Variants in GABRA4 observed in about 807,000 individuals in gnomAD.
GABRA4 encodes the protein gamma-aminobutyric acid type A receptor subunit alpha4.
In GABRA4, 12 loss-of-function variants were observed where a neutral mutation model predicts 49.7. That is an observed-to-expected ratio of 0.24 (90% CI 0.15 to 0.39). GABRA4 has a LOEUF of 0.39. Ranked by LOEUF, GABRA4 falls within the 10% of genes least tolerant of loss-of-function variation. GABRA4 has a pLI of 1.00. For missense variants in GABRA4, 506 were observed against 686.0 expected, an observed-to-expected ratio of 0.74 and a Z score of 2.93; for synonymous variants, 288 against 240.2, an observed-to-expected ratio of 1.20 and a Z score of -1.84.
intron 7 of GABRA4, 138 bp from the exon 8 acceptor site, chr4:46,965,367 T>C (rs1722718055): frequency 4.7e-6 from 3 of 633,066 alleles, no homozygotes; most frequent in Non-Finnish European, 7.4e-6. Flanking sequence ...AAACCATCTT[T>C]GATGGAGAAT....
At chr4:46,981,071 G>T (rs573601512) in intron 2 of GABRA4, among the ~76,000 whole-genome samples, 1 of 152,072 alleles carries the variant, frequency 6.6e-6, no homozygotes, top group Non-Finnish European at 1.5e-5. Context: ...CTGATACGCT[G>T]ATTTAGTACT....
rs1721072135 is a variant in GABRA4, at chr4:46,922,475, C to T, written c.*5750G>A. On this transcript the variant is annotated 3_prime_UTR_variant, in exon 9 of 9. Transcript: ENST00000264318. ...CAAAAATAGGCAAGGGAGATAAAAC[C>T]TCAATGAAAAAGCAGATGAAGCTCA... 1 of 151,928 alleles carries T rather than the reference C, an allele frequency of 6.6e-6. No homozygotes were observed. The highest frequency in any genetic ancestry group is 1.5e-5 in the Non-Finnish European group (1 of 67,980). 9.4% of individuals were successfully genotyped at this position (151,928 alleles called of 1,614,324 possible).
Position 46,927,011 on chromosome 4 carries a change from G to A in GABRA4, c.*1214C>T, listed in dbSNP as rs1240777307. The A allele has an allele frequency of 6.6e-6, 1 of 151,790 alleles. No homozygotes were observed. The highest frequency in any genetic ancestry group is 1.9e-4 in the East Asian group (1 of 5,166). The allele number at this position is 151,790 out of a possible 1,614,324, so 9.4% of individuals were successfully genotyped here. ...CGGACACAAAACTCTTCAAAATTTA[G>A]CATTTCACTAGCTAATATCTAGATC... On this transcript the variant is annotated 3_prime_UTR_variant, in exon 9 of 9. Transcript: ENST00000264318.
chr4:46,992,557 T>C, intron 2 of GABRA4: 1 of 466,832 alleles, frequency 2.1e-6, no homozygotes, highest in Non-Finnish European at 3.9e-6. Flanking sequence ...TTTTTGACTC[T>C]TCCTCTCCAA....
At chr4:46,978,508 A>T (rs1723226510) in intron 3 of GABRA4, among the ~76,000 whole-genome samples, 1 of 151,046 alleles carries the variant, frequency 6.6e-6, no homozygotes, top group Non-Finnish European at 1.5e-5. Flanking sequence ...ACCAACATGG[A>T]GACACCCTAT....
rs1027931732 is a variant in GABRA4 at position 46,926,051 on chromosome 4, A to G, written c.*2174T>C. The G allele has an allele frequency of 1.3e-5, 2 of 149,398 alleles. No individual in the cohort carries two copies. Among genetic ancestry groups the G allele is most frequent in the Admixed American group, 6.8e-5 (1 of 14,698 alleles). 9.3% of individuals were successfully genotyped at this position (149,398 alleles called of 1,614,324 possible). On this transcript the variant is annotated 3_prime_UTR_variant, in exon 9 of 9. Transcript: ENST00000264318. The stretch of plus-strand genomic sequence containing the variant: ...TCTTAAGATAGGCCAATAGATTAGC[A>G]AAGAGTAAGAGTTCCTCACCAAAAA...
intron 8 of GABRA4, among the ~76,000 whole-genome samples, chr4:46,936,361 T>C (rs1721603575): frequency 1.3e-5 from 2 of 152,204 alleles, no homozygotes; most frequent in South Asian, 2.1e-4. Context: ...GCAATTCTCC[T>C]GCCTCAGCCT....
chr4:46,951,795 C>CGTGT (rs4032300), intron 8 of GABRA4, among the ~76,000 whole-genome samples: 2 of 149,066 alleles, frequency 1.3e-5, no homozygotes, highest in African/African-American at 2.5e-5. Flanking sequence ...TATGTGTGTA[C>CGTGT]GTGTGTGTGT....
chr4:46,946,299 T>C (rs1721975950), intron 8 of GABRA4, among the ~76,000 whole-genome samples: 1 of 152,142 alleles, frequency 6.6e-6, no homozygotes, highest in South Asian at 2.1e-4. Flanking sequence ...ATTTCCTTCA[T>C]TTAAGACATT....
chr4:46,988,211 G>A (rs1279877613), intron 2 of GABRA4, among the ~76,000 whole-genome samples: 2 of 151,774 alleles, frequency 1.3e-5, no homozygotes, highest in Non-Finnish European at 2.9e-5. Flanking sequence ...TTCCCTTTTA[G>A]CATGATATTA....
At chr4:46,958,699 G>A (rs1014498950) in intron 8 of GABRA4, among the ~76,000 whole-genome samples, 3 of 151,832 alleles carry the variant, frequency 2.0e-5, no homozygotes, top group East Asian at 3.9e-4. Flanking sequence ...GATGCTTTTA[G>A]ATTCCACCAA....
At chr4:46,963,551 A>C (rs1039930095) in intron 8 of GABRA4, among the ~76,000 whole-genome samples, 2 of 151,784 alleles carry the variant, frequency 1.3e-5, no homozygotes, top group Admixed American at 6.6e-5. Flanking sequence ...CATGATTCTG[A>C]GGCCTCCCCA....
intron 2 of GABRA4, among the ~76,000 whole-genome samples, chr4:46,983,538 A>G (rs977830405): frequency 3.3e-5 from 5 of 152,130 alleles, no homozygotes; most frequent in African/African-American, 1.2e-4. Flanking sequence ...TTTCCACAGC[A>G]GTTAAACTAA....
At chr4:46,961,495 C>A (rs1722571658) in intron 8 of GABRA4, among the ~76,000 whole-genome samples, 1 of 151,864 alleles carries the variant, frequency 6.6e-6, no homozygotes, top group Admixed American at 6.6e-5. Context: ...TAAGCTCCAC[C>A]TGGCAGGATA....
rs1721271089 is a variant in GABRA4 at position 46,927,579 on chromosome 4, T to C, written c.*646A>G. The stretch of plus-strand genomic sequence containing the variant: ...CATGAAAAAGAATTCATACAATGAG[T>C]TAAACTTTGGCTCAGAGAACAAAAT... On this transcript the variant is annotated 3_prime_UTR_variant, in exon 9 of 9. Coordinates refer to ENST00000264318, the MANE Select transcript of GABRA4 (RefSeq NM_000809.4). 3 of 152,456 alleles carry C rather than the reference T, an allele frequency of 2.0e-5. No individual in the cohort carries two copies. The Admixed American group carries it at 2.0e-4, about 10-fold the overall frequency. 9.4% of individuals were successfully genotyped at this position (152,456 alleles called of 1,614,324 possible). A position where few individuals can be genotyped will look rare whatever the true frequency, so the allele number is the denominator to read the frequency against.
chr4:46,979,269 A>G (rs1723265250), intron 2 of GABRA4, among the ~76,000 whole-genome samples, 171 bp from the exon 3 acceptor site: 1 of 152,114 alleles, frequency 6.6e-6, no homozygotes, highest in African/African-American at 2.4e-5. Context: ...CCAAAGCGCA[A>G]CAAGACCAGA....
intron 6 of GABRA4, 91 bp downstream of exon 6, chr4:46,974,141 G>T: frequency 7.5e-7 from 1 of 1,331,784 alleles, no homozygotes; most frequent in Non-Finnish European, 1.0e-6. Context: ...TTGTTCTCCT[G>T]AAAAAATTAA....
intron 7 of GABRA4, among the ~76,000 whole-genome samples, chr4:46,965,876 T>C (rs1248307480): frequency 1.3e-5 from 2 of 151,830 alleles, no homozygotes; most frequent in African/African-American, 2.4e-5. Flanking sequence ...GTTATATTAC[T>C]GGACGAATAG....
At position 46,928,678 on chromosome 4, in the gene GABRA4, A is replaced by G; in HGVS notation, c.1212T>C (p.Thr404=). The G allele has an allele frequency of 6.2e-7, 1 of 1,613,364 alleles. No individual in the cohort carries two copies. ...ATTTGCTTGAATGGTTTCCCACCTC[A>G]GTTCTGTTGCCAACATCAGATTCAG... is the stretch of plus-strand genomic sequence containing the variant. ...VHSESDVGNR[T]EVGNHSSKSS... Residue 404 remains threonine (T), a synonymous_variant, in exon 9 of 9, where the codon ACT becomes ACC. Transcript: ENST00000264318.
Sources: gnomAD v4.1 joint callset for allele counts (sites outside exome capture counted in the v4.1 genomes callset) on GRCh38, gnomAD v4.1.1 for gene constraint, MANE v1.5 for transcripts, NCBI Gene and HGNC (gene_info 2026-07-23, HGNC 2026-07-21) for gene names.